The following ARHGEF33 variants were observed in gnomAD, a reference collection of about 807,000 sequenced individuals.
ARHGEF33 encodes the protein DH and coiled-coil domain-containing protein ENSP00000381780.
Under a neutral mutation model 101.9 loss-of-function variants are expected in ARHGEF33, and 72 were observed. The observed-to-expected ratio is 0.71, with a 90% CI of 0.58 to 0.86. The LOEUF (loss-of-function observed/expected upper bound fraction) is 0.86, where lower values mean the gene tolerates loss of function less well. Among genes scored for constraint, ARHGEF33 ranks in the 40% least tolerant of loss-of-function variants. The probability of loss-of-function intolerance (pLI) is 0.00; values close to 1 mark genes in which losing one functional copy is unlikely to be tolerated. For missense variants in ARHGEF33, 1,169 were observed against 1,111.3 expected (o/e 1.05, Z -0.74); for synonymous variants, 499 against 442.5 (o/e 1.13, Z -1.60).
At position 38,951,009 on chromosome 2, in the gene ARHGEF33, G is replaced by A. The variant is rs1462957564; in HGVS notation, c.941G>A (p.Arg314Gln). Residue 314 changes from arginine to glutamine, a missense_variant, in exon 11 of 18, where the codon CGG becomes CAG. Physicochemically the swap from Arg to Gln is conservative, Grantham distance 43. Coordinates refer to ENST00000409978, the MANE Select transcript of ARHGEF33 (RefSeq NM_001145451.5). ...TCAAGCCTCTTCCCTGGCTCTTTAC[G>A]GTACCTCGTCCAGCAGCACCTGGAT... is the stretch of plus-strand genomic sequence containing the variant. The part of the protein sequence containing the change: ...KERSLFPGSL[R>Q]YLVQQHLDLL... 6 of 1,552,086 alleles carry A rather than the reference G, an allele frequency of 3.9e-6. No individual in the cohort carries two copies. Among genetic ancestry groups the A allele is most frequent in the Admixed American group, 2.0e-5 (1 of 50,992 alleles).
chr2:38,895,686 C>A (rs191213038), intron 1 of ARHGEF33, 91 bp from the exon 2 acceptor site: 1 of 151,322 alleles, frequency 6.6e-6, no homozygotes, highest in African/African-American at 2.4e-5. Context: ...ATAATAAGAA[C>A]TTTTAATTAC....
chr2:38,943,812 A>T (rs567767936), intron 9 of ARHGEF33, 89 bp from the exon 10 acceptor site: 1 of 1,330,986 alleles, frequency 7.5e-7, no homozygotes, highest in Non-Finnish European at 1.0e-6. Context: ...ATTGCTTTCA[A>T]TATCCTTTTA....
intron 3 of ARHGEF33, 134 bp from the exon 4 acceptor site, chr2:38,921,240 C>G (rs1666749115): frequency 1.6e-6 from 1 of 634,266 alleles, no homozygotes; most frequent in Admixed American, 2.5e-5. Context: ...TTTTTGTTCC[C>G]CTGGAATCAT....
At chr2:38,955,322 C>T (rs1470633196) in intron 13 of ARHGEF33, among the ~76,000 whole-genome samples, 1 of 152,050 alleles carries the variant, frequency 6.6e-6, no homozygotes, top group Non-Finnish European at 1.5e-5. Flanking sequence ...GTTCACTAAC[C>T]CCCACCAGAC....
In ARHGEF33 at chr2:38,975,306, C is replaced by T. The variant is rs1274158951; in HGVS notation, c.*1463C>T. ...AAGTTTAAGCCAAGATTTTTGTTTC[C>T]CAGAAGTTTATGAATTCATTTGAAA... is the stretch of plus-strand genomic sequence containing the variant. On this transcript the variant is annotated 3_prime_UTR_variant, in exon 18 of 18. Coordinates refer to ENST00000409978, the MANE Select transcript of ARHGEF33 (RefSeq NM_001145451.5). The T allele has an allele frequency of 6.6e-6, 1 of 152,134 alleles. No individual in the cohort carries two copies. The highest frequency in any genetic ancestry group is 1.5e-5 in the Non-Finnish European group (1 of 68,022). 9.4% of individuals were successfully genotyped at this position (152,134 alleles called of 1,614,324 possible). A position where few individuals can be genotyped will look rare whatever the true frequency, so the allele number is the denominator to read the frequency against.
chr2:38,953,695 C>T (rs990314194), intron 12 of ARHGEF33, among the ~76,000 whole-genome samples: 7 of 152,192 alleles, frequency 4.6e-5, no homozygotes, highest in African/African-American at 1.7e-4. Flanking sequence ...TAAGCACATA[C>T]ACATCTATAA....
chr2:38,897,319 C>A (rs1398518488), intron 2 of ARHGEF33, among the ~76,000 whole-genome samples: 1 of 152,178 alleles, frequency 6.6e-6, no homozygotes, highest in African/African-American at 2.4e-5. Context: ...TTCACAGTAT[C>A]ACACTTTCTA....
chr2:38,909,862 C>T (rs992645609), intron 2 of ARHGEF33, among the ~76,000 whole-genome samples: 25 of 151,656 alleles, frequency 1.6e-4, no homozygotes, highest in Non-Finnish European at 2.5e-4. Flanking sequence ...TGTTTTCTTG[C>T]GTTACATTGA....
At chr2:38,937,921 C>T (rs1667191336) in intron 9 of ARHGEF33, among the ~76,000 whole-genome samples, 1 of 152,174 alleles carries the variant, frequency 6.6e-6, no homozygotes, top group African/African-American at 2.4e-5. Flanking sequence ...CACACTGCAA[C>T]ACAGCCTGTC....
At chr2:38,923,772 G>A (rs1388057247) in intron 4 of ARHGEF33, among the ~76,000 whole-genome samples, 2 of 152,116 alleles carry the variant, frequency 1.3e-5, no homozygotes, top group African/African-American at 4.8e-5. Flanking sequence ...TTTGGAAAAA[G>A]AGAAGAGATC....
At position 38,937,484 on chromosome 2, in the gene ARHGEF33, C is replaced by A; in HGVS notation, c.715C>A (p.Pro239Thr). 6.4e-7 allele frequency: 1 copy of A among 1,550,966 alleles called. No homozygotes were observed. Among genetic ancestry groups the A allele is most frequent in the African/African-American group, 1.4e-5 (1 of 73,086 alleles). The change falls in exon 9 of 18, where the codon CCA becomes ACA. Residue 239 changes from proline to threonine, a missense_variant. Pro to Thr is a conservative substitution (Grantham distance 38). Coordinates refer to ENST00000409978, the MANE Select transcript of ARHGEF33 (RefSeq NM_001145451.5). ...WGEEYVTKDH[P>T]DKLKEAGQGR... Reference sequence around the variant, plus strand: ...TGAAGAATACGTCACAAAAGACCACCCAGATAAACTCAAGGAGGCTGGCCA... The same window carrying A: ...TGAAGAATACGTCACAAAAGACCACACAGATAAACTCAAGGAGGCTGGCCA...
rs536936210 is a variant in ARHGEF33 at position 38,938,112 on chromosome 2, C to T, written c.790+553C>T. 3.9e-5 allele frequency among the ~76,000 whole-genome samples: 6 copies of T among 152,202 alleles called. No individual in the cohort carries two copies. In the East Asian group the frequency reaches 7.7e-4, roughly 20 times the overall value. On this transcript the variant is annotated intron_variant, in intron 9 of 17. Transcript: ENST00000409978. ...TTAAAAGGTTTGTTATGAAGAAGAG[C>T]GCCAACAACTTTAAACTCTTTTGAC...
intron 4 of ARHGEF33, among the ~76,000 whole-genome samples, chr2:38,928,171 A>ACCCTACCTGATCCAAAACAC (rs1666915337): frequency 6.6e-6 from 1 of 152,218 alleles, no homozygotes; most frequent in African/African-American, 2.4e-5. Flanking sequence ...TTAGGGTAGA[A>ACCCTACCTGATCCAAAACAC]CTAGGATTTG....
chr2:38,894,545 A>T (rs962918189), intron 1 of ARHGEF33, among the ~76,000 whole-genome samples: 2 of 152,164 alleles, frequency 1.3e-5, no homozygotes, highest in Non-Finnish European at 2.9e-5. Context: ...CTGTTAGATG[A>T]GTTCCTTAGT....
At chr2:38,896,751 G>A (rs1019240725) in intron 2 of ARHGEF33, among the ~76,000 whole-genome samples, 1 of 152,110 alleles carries the variant, frequency 6.6e-6, no homozygotes, top group Non-Finnish European at 1.5e-5. Flanking sequence ...AAACCCAAAA[G>A]TGCTCATTGT....
chr2:38,964,628 C>T (rs1011456065), intron 16 of ARHGEF33, among the ~76,000 whole-genome samples: 1 of 151,422 alleles, frequency 6.6e-6, no homozygotes, highest in African/African-American at 2.4e-5. Flanking sequence ...CACTGCTGAT[C>T]TGACAGAAGG....
intron 16 of ARHGEF33, among the ~76,000 whole-genome samples, chr2:38,963,162 A>T (rs757414950): frequency 6.6e-6 from 1 of 152,136 alleles, no homozygotes; most frequent in South Asian, 2.1e-4. Context: ...AAGTATATAT[A>T]TGCATGTTTG....
chr2:38,939,140 T>C (rs1355625373), intron 9 of ARHGEF33, among the ~76,000 whole-genome samples: 2 of 152,110 alleles, frequency 1.3e-5, no homozygotes, highest in Non-Finnish European at 2.9e-5. Flanking sequence ...GTCTGGCTAA[T>C]TTTTATATTT....
chr2:38,956,904 C>A lies in ARHGEF33; in HGVS notation c.1227C>A (p.Val409=), dbSNP rs186834618. ...TCCTTTTCCCCTCCATCCAGAACGTCCTGAAGTTCACAGAGCAGGAGCACC... is the reference window on the plus strand; with the variant it reads ...TCCTTTTCCCCTCCATCCAGAACGTACTGAAGTTCACAGAGCAGGAGCACC... The part of the protein sequence containing the change: ...IPEYLIHLQN[V]LKFTEQEHPD... Residue 409 remains valine (V), a synonymous_variant, in exon 14 of 18, where the codon GTC becomes GTA. Transcript: ENST00000409978. 1 of 1,552,216 alleles carries A rather than the reference C, an allele frequency of 6.4e-7. No individual in the cohort carries two copies. Among genetic ancestry groups the A allele is most frequent in the African/African-American group, 1.4e-5 (1 of 73,046 alleles).
Sources: gnomAD v4.1 joint callset for allele counts (sites outside exome capture counted in the v4.1 genomes callset) on GRCh38, gnomAD v4.1.1 for gene constraint, MANE v1.5 for transcripts, NCBI Gene and HGNC (gene_info 2026-07-23, HGNC 2026-07-21) for gene names.